KIF24: variants seen among roughly 807,000 people sequenced by gnomAD.
KIF24 encodes the protein kinesin-like protein KIF24.
KIF24 carries 81 observed loss-of-function variants against 118.9 expected under a neutral mutation model. The observed-to-expected ratio is 0.68, with a 90% confidence interval of 0.57 to 0.82. KIF24 has a LOEUF of 0.82. KIF24 is among the 40% of genes least tolerant of loss of function. The pLI is 0.00. For missense variants in KIF24, 1,560 were observed against 1,661.6 expected, an observed-to-expected ratio of 0.94 and a Z score of 1.06; for synonymous variants, 599 against 610.0, an observed-to-expected ratio of 0.98 and a Z score of 0.27.
chr9:34,286,953 T>C (rs1476409751), intron 5 of KIF24, among the ~76,000 whole-genome samples: 1 of 152,156 alleles, frequency 6.6e-6, no homozygotes, highest in Non-Finnish European at 1.5e-5. Context: ...TAAACTATGC[T>C]AATCAGTGGA....
At chr9:34,323,223 A>C (rs574940213) in intron 1 of KIF24, among the ~76,000 whole-genome samples, 1 of 152,356 alleles carries the variant, frequency 6.6e-6, no homozygotes, top group Non-Finnish European at 1.5e-5. Flanking sequence ...CATTTTTAAA[A>C]AGTAGTTTTC....
chr9:34,311,548 A>G (rs1837146245), intron 1 of KIF24, among the ~76,000 whole-genome samples, 177 bp from the exon 2 acceptor site: 1 of 152,072 alleles, frequency 6.6e-6, no homozygotes, highest in Non-Finnish European at 1.5e-5. Flanking sequence ...ATAGTGCATG[A>G]ACAAAGATGC....
intron 9 of KIF24, among the ~76,000 whole-genome samples, chr9:34,261,422 C>A (rs1422828139): frequency 6.6e-6 from 1 of 152,198 alleles, no homozygotes; most frequent in Non-Finnish European, 1.5e-5. Flanking sequence ...AAGAGGCACA[C>A]TTTCATGACA....
intron 12 of KIF24, 56 bp downstream of exon 12, chr9:34,255,016 A>C: frequency 8.3e-7 from 1 of 1,202,534 alleles, no homozygotes; most frequent in South Asian, 1.3e-5. Flanking sequence ...ATGACCATCA[A>C]ATTAGCTGCA....
chr9:34,288,041 C>T (rs192725867), intron 5 of KIF24, among the ~76,000 whole-genome samples: 6 of 152,170 alleles, frequency 3.9e-5, no homozygotes, highest in African/African-American at 1.4e-4. Flanking sequence ...TGTACTTCAG[C>T]TTTTATGCAA....
intron 6 of KIF24, among the ~76,000 whole-genome samples, chr9:34,275,374 A>G (rs1175624125): frequency 1.3e-5 from 2 of 151,864 alleles, no homozygotes; most frequent in African/African-American, 4.8e-5. Context: ...AGCCTAGGAA[A>G]CAAAGCAAGA....
intron 1 of KIF24, among the ~76,000 whole-genome samples, chr9:34,320,301 TAC>T (rs926905871): frequency 4.0e-4 from 57 of 144,062 alleles, no homozygotes; most frequent in African/African-American, 1.4e-3. Flanking sequence ...AACTTATTTA[TAC>T]AGTTTTTCTT....
chr9:34,321,983 C>T (rs1462502996), intron 1 of KIF24, among the ~76,000 whole-genome samples: 1 of 152,116 alleles, frequency 6.6e-6, no homozygotes, highest in Non-Finnish European at 1.5e-5. Flanking sequence ...TAATCTGTAG[C>T]TGATCTAGCC....
chr9:34,269,787 T>C (rs1192608409), intron 7 of KIF24, among the ~76,000 whole-genome samples: 1 of 152,106 alleles, frequency 6.6e-6, no homozygotes, highest in African/African-American at 2.4e-5. Context: ...GCCCATCCTC[T>C]GGAAAGAAAA....
At chr9:34,293,208 G>A (rs746759868) in intron 4 of KIF24, among the ~76,000 whole-genome samples, 3 of 152,094 alleles carry the variant, frequency 2.0e-5, no homozygotes, top group East Asian at 3.9e-4. Context: ...GGCCAGGCAC[G>A]GTGGCTCACA....
intron 3 of KIF24, among the ~76,000 whole-genome samples, chr9:34,300,850 CAAAAAAAAAAAAAAAAA>C (rs57919845): frequency 9.5e-6 from 1 of 105,676 alleles, no homozygotes; most frequent in African/African-American, 3.9e-5. Flanking sequence ...CGGCATTTCT[CAAAAAAAAAAAAAAAAA>C]AAAAAAAGAA....
intron 9 of KIF24, among the ~76,000 whole-genome samples, chr9:34,261,995 G>T (rs1182676516): frequency 6.6e-6 from 1 of 152,016 alleles, no homozygotes; most frequent in Non-Finnish European, 1.5e-5. Flanking sequence ...GTGCAGTGGC[G>T]TGCTCACAAT....
intron 9 of KIF24, 111 bp downstream of exon 9, chr9:34,262,990 G>A (rs1235525100): frequency 1.3e-6 from 1 of 772,578 alleles, no homozygotes; most frequent in East Asian, 2.7e-5. Flanking sequence ...TCCCCACTGT[G>A]CCCAGCATCA....
At chr9:34,255,048 GA>G in intron 12 of KIF24, 23 bp downstream of exon 12, 1 of 1,486,916 alleles carries the variant, frequency 6.7e-7, no homozygotes, top group Non-Finnish European at 9.2e-7. Flanking sequence ...AACAGCCTGT[GA>G]GTGTCCAGCC....
chr9:34,255,779 G>C lies in KIF24; in HGVS notation c.3828C>G (p.Pro1276=). 1.2e-6 allele frequency: 2 copies of C among 1,613,788 alleles called. 1 individual carries two copies. The highest frequency in any genetic ancestry group is 2.2e-5 in the South Asian group (2 of 91,046). Residue 1276 remains proline (P), a synonymous_variant, in exon 11 of 13, where the codon CCC becomes CCG. Transcript: ENST00000402558. ...GCTGACGGAGTGTCCCTGCAGTCTT[G>C]GGAGAGCAGCTGGGAACCAAGGGAG... ...PSSPLVPSCS[P]KTAGTLRQPT... is the part of the protein sequence containing the mutation.
Position 34,257,494 on chromosome 9 carries a change from T to C in KIF24, c.2113A>G (p.Lys705Glu), listed in dbSNP as rs774950115. ...VRGKLSTKCK[K>E]VQTVQPVQKQ... ...TGTACTGGCTGCACTGTCTGCACTT[T>C]CTTGCACTTGGTGGACAGCTTACCA... The change falls in exon 11 of 13, where the codon AAA becomes GAA. Residue 705 changes from lysine to glutamate, a missense_variant. By Grantham distance (56) the Lys-to-Glu change is moderately conservative. This residue lies in a region of KIF24 where 964 missense variants were observed against 988.0 expected (regional missense o/e 0.98). Transcript: ENST00000402558. The C allele has an allele frequency of 1.1e-4, 183 of 1,613,960 alleles. No homozygotes were observed. The Admixed American group carries it at 3.0e-3, about 27-fold the overall frequency.
intron 9 of KIF24, among the ~76,000 whole-genome samples, chr9:34,262,644 CAAAAAAAAAAAAA>C (rs1172989308): frequency 8.7e-4 from 17 of 19,608 alleles, no homozygotes; most frequent in South Asian, 2.9e-3. Flanking sequence ...CTGTCTCTAC[CAAAAAAAAAAAAA>C]AAAAAAAAAA....
Position 34,257,877 on chromosome 9 carries a change from G to A in KIF24, c.1730C>T (p.Ala577Val). Residue 577 changes from alanine (A) to valine (V), a missense_variant, in exon 11 of 13, where the codon GCT (alanine) becomes GTT (valine). Coordinates refer to ENST00000402558, the MANE Select transcript of KIF24 (RefSeq NM_194313.4). Reference protein sequence around the residue: ...SPKRIQSSPGALSEDKCSPKK... With the variant: ...SPKRIQSSPGVLSEDKCSPKK... ...GGGAGAACATTTGTCCTCTGACAAA[G>A]CCCCAGGGGAGCTCTGAATTCGTTT... 6.2e-7 allele frequency: 1 copy of A among 1,613,958 alleles called. No homozygotes were observed. The highest frequency in any genetic ancestry group is 8.5e-7 in the Non-Finnish European group (1 of 1,179,812).
Position 34,271,895 on chromosome 9 carries a change from C to T in KIF24, c.1251G>A (p.Gly417=). The change falls in exon 7 of 13, where the codon GGG becomes GGA. Residue 417 remains glycine, a synonymous_variant. Coordinates refer to ENST00000402558, the MANE Select transcript of KIF24 (RefSeq NM_194313.4). The part of the protein sequence containing the change: ...ILKGSKERST[G]ATGVNADSSR... ...AGGAGTCTGCATTAACTCCAGTGGC[C>T]CCAGTGCTGCGCTCCTTGCTGCCCT... 6.2e-7 allele frequency: 1 copy of T among 1,606,118 alleles called. No homozygotes were observed. Among genetic ancestry groups the T allele is most frequent in the African/African-American group, 1.3e-5 (1 of 74,962 alleles).
Sources: gnomAD v4.1 joint callset for allele counts (sites outside exome capture counted in the v4.1 genomes callset) on GRCh38, gnomAD v4.1.1 for gene constraint, gnomAD v4.1.1 regional missense constraint, MANE v1.5 for transcripts, NCBI Gene and HGNC (gene_info 2026-07-23, HGNC 2026-07-21) for gene names.